CROCC2: variants seen among roughly 807,000 people sequenced by gnomAD.
The protein encoded by CROCC2 is ciliary rootlet coiled-coil protein 2.
In CROCC2, 163 loss-of-function variants were observed where a neutral mutation model predicts 177.6. The observed-to-expected ratio is 0.92, with a 90% CI of 0.81 to 1.05. The LOEUF (loss-of-function observed/expected upper bound fraction) is 1.05. Ranked by LOEUF, CROCC2 falls within the 50% of genes least tolerant of loss-of-function variation. The pLI is 0.00. For synonymous variants in CROCC2, 904 were observed against 787.3 expected, an observed-to-expected ratio of 1.15 and a Z score of -2.48; for missense variants, 1,929 against 1,797.8, an observed-to-expected ratio of 1.07 and a Z score of -1.32.
At position 240,926,942 on chromosome 2, in the gene CROCC2, AG is replaced by A. The variant is rs1337323943; in HGVS notation, c.645+1064del. ...GGTCCCTGTCCTTGGACCGCTGGAC[AG>A]GTCACCTGAGGATCCCGGGAGCCGA... On this transcript the variant is annotated intron_variant, in intron 5 of 31. Transcript: ENST00000690015. Among the ~76,000 whole-genome samples the A allele has an allele frequency of 2.0e-5, 3 of 152,350 alleles. No individual in the cohort carries two copies. The East Asian group carries it at 5.8e-4, about 29-fold the overall frequency.
At position 240,958,578 on chromosome 2, in the gene CROCC2, C is replaced by T. The variant is rs1387283497; in HGVS notation, c.2944-723C>T. On this transcript the variant is annotated intron_variant, in intron 19 of 31. Coordinates refer to ENST00000690015, the MANE Select transcript of CROCC2 (RefSeq NM_001351305.2). The surrounding 1 kb of genome is among the most constrained non-coding windows in gnomAD (Gnocchi z 6.7). The stretch of plus-strand genomic sequence containing the variant: ...GGAGGGAGCCATCCCCCACCAGCCG[C>T]CCCCCGCCAGCCGCCTGCTGCTGCC... 1.0e-6 allele frequency: 1 copy of T among 985,046 alleles called. No homozygotes were observed. Among genetic ancestry groups the T allele is most frequent in the Non-Finnish European group, 1.2e-6 (1 of 829,644 alleles). The allele number at this position is 985,046 out of a possible 1,614,324, so 61.0% of individuals were successfully genotyped here. A position where few individuals can be genotyped will look rare whatever the true frequency, so the allele number is the denominator to read the frequency against.
chr2:240,981,201 A>G (rs1346280973), intron 27 of CROCC2, among the ~76,000 whole-genome samples: 45 of 149,766 alleles, frequency 3.0e-4, no homozygotes, highest in African/African-American at 1.1e-3. Flanking sequence ...TCTCTGGGGT[A>G]GGAGCCTCAG....
At position 240,907,785 on chromosome 2, in the gene CROCC2, C is replaced by T. The variant is rs1166139380; in HGVS notation, c.78+1194C>T. ...CTCCACCTGGCGTGAGCTCTACCTC[C>T]TCCACCTGGGGTGAGCTCTACCTCC... On this transcript the variant is annotated intron_variant, in intron 1 of 31. Coordinates refer to ENST00000690015, the MANE Select transcript of CROCC2 (RefSeq NM_001351305.2). Among the ~76,000 whole-genome samples the T allele has an allele frequency of 1.5e-3, 210 of 142,494 alleles. 1 individual carries two copies. Among genetic ancestry groups the T allele is most frequent in the African/African-American group, 5.2e-3 (202 of 38,524 alleles). 93.5% of individuals were successfully genotyped at this position (142,494 alleles called of 152,430 possible). A position where few individuals can be genotyped will look rare whatever the true frequency, so the allele number is the denominator to read the frequency against.
At position 240,961,863 on chromosome 2, in the gene CROCC2, CTCATCACA is replaced by C. The variant is rs1298725011; in HGVS notation, c.3088-1692_3088-1685del. ...TACACTCATGACACACACGCACACA[CTCATCACA>C]CATGCTCATCACACACATGTACACA... is the stretch of plus-strand genomic sequence containing the variant. On this transcript the variant is annotated intron_variant, in intron 20 of 31. Transcript: ENST00000690015. Among the ~76,000 whole-genome samples the C allele has an allele frequency of 1.5e-4, 4 of 27,156 alleles. 1 individual carries two copies. In the East Asian group the frequency reaches 3.0e-3, roughly 21 times the overall value. 17.8% of individuals were successfully genotyped at this position (27,156 alleles called of 152,430 possible).
rs931312854 is a variant in CROCC2 at position 240,920,044 on chromosome 2, G to C, written c.291G>C (p.Gln97His). 2 of 716,346 alleles carry C rather than the reference G, an allele frequency of 2.8e-6. No individual in the cohort carries two copies. The highest frequency in any genetic ancestry group is 3.5e-5 in the African/African-American group (2 of 57,264). The allele number at this position is 716,346 out of a possible 1,614,324, so 44.4% of individuals were successfully genotyped here. ...TGCAAGAGGAGAACGAGCTCCTGCA[G>C]GAGGAGCTGACCCGGCTGGGGGACC... ...ARVQEENELL[Q>H]EELTRLGDLL... The change falls in exon 3 of 32, where the codon CAG (glutamine) becomes CAC (histidine). Residue 97 changes from glutamine (Q) to histidine (H), a missense_variant. Gln to His is a conservative substitution (Grantham distance 24). Coordinates refer to ENST00000690015, the MANE Select transcript of CROCC2 (RefSeq NM_001351305.2).
At chr2:240,928,727 G>A (rs941010020) in intron 5 of CROCC2, among the ~76,000 whole-genome samples, 3 of 138,948 alleles carry the variant, frequency 2.2e-5, no homozygotes, top group African/African-American at 7.4e-5. Context: ...GCATGCCCTC[G>A]GAGGGCGTGC....
chr2:240,974,335 A>AT (rs1270884867), intron 27 of CROCC2, among the ~76,000 whole-genome samples: 2 of 132,140 alleles, frequency 1.5e-5, no homozygotes, highest in Non-Finnish European at 3.2e-5. Flanking sequence ...CTCTATTTTT[A>AT]TTTTTAGTTT....
At position 240,935,531 on chromosome 2, in the gene CROCC2, G is replaced by T; in HGVS notation, c.2112G>T (p.Glu704Asp). 1 of 1,348,640 alleles carries T rather than the reference G, an allele frequency of 7.4e-7. No homozygotes were observed. The allele number at this position is 1,348,640 out of a possible 1,614,324, so 83.5% of individuals were successfully genotyped here. Residue 704 changes from glutamate to aspartate, a missense_variant, in exon 14 of 32, where the codon GAG (glutamate) becomes GAT (aspartate). Glu to Asp is a conservative substitution (Grantham distance 45). Around this residue, in one of 3 missense-constraint regions of CROCC2, gnomAD observed 1,397 missense variants for 1,239.9 expected, o/e 1.13. Coordinates refer to ENST00000690015, the MANE Select transcript of CROCC2 (RefSeq NM_001351305.2). The part of the protein sequence containing the change: ...GRLEQRQEQL[E>D]GQAALLGREK... ...TGGAGCAGCGGCAGGAGCAGCTGGA[G>T]GGGCAGGCAGCCCTGCTGGGGCGAG...
chr2:240,946,115 A>G lies in CROCC2; in HGVS notation c.2225A>G (p.Gln742Arg), dbSNP rs1210975050. The G allele has an allele frequency of 2.6e-6, 4 of 1,541,426 alleles. No homozygotes were observed. The highest frequency in any genetic ancestry group is 2.7e-5 in the African/African-American group (2 of 72,948). ...EEQLAQSLQD[Q>R]EAQMGTLQQA... The stretch of plus-strand genomic sequence containing the variant: ...CAGCTGGCTCAGAGCCTGCAGGACC[A>G]GGAGGCCCAGATGGGCACTCTGCAG... The change falls in exon 15 of 32, where the codon CAG becomes CGG. Residue 742 changes from glutamine to arginine, a missense_variant. By Grantham distance (43) the Gln-to-Arg change is conservative. Transcript: ENST00000690015.
In CROCC2 at chr2:240,991,551, G is replaced by A. The variant is rs143075535; in HGVS notation, c.4946+273G>A. Reference sequence around the variant, plus strand: ...GTGGCACACTCTGAGCCCGCTGACCGCAGAGCTCCTCCCACCCCTGGAGAC... The same window carrying A: ...GTGGCACACTCTGAGCCCGCTGACCACAGAGCTCCTCCCACCCCTGGAGAC... On this transcript the variant is annotated intron_variant, in intron 31 of 31. Coordinates refer to ENST00000690015, the MANE Select transcript of CROCC2 (RefSeq NM_001351305.2). Among the ~76,000 whole-genome samples, 616 of 152,348 alleles carry A rather than the reference G, an allele frequency of 4.0e-3. 3 individuals are homozygous for A. Among genetic ancestry groups the A allele is most frequent in the African/African-American group, 0.014 (583 of 41,588 alleles).
chr2:240,974,534 C>CTTTTTTTTTTTTTT (rs61276773), intron 27 of CROCC2, among the ~76,000 whole-genome samples: 6 of 134,912 alleles, frequency 4.4e-5, no homozygotes, highest in Non-Finnish European at 7.8e-5. Context: ...TCTTTTTTTT[C>CTTTTTTTTTTTTTT]TTTTTTTTTT....
At chr2:240,921,604 CAA>C (rs373202706) in intron 3 of CROCC2, among the ~76,000 whole-genome samples, 27 of 152,350 alleles carry the variant, frequency 1.8e-4, no homozygotes, top group African/African-American at 6.5e-4. Flanking sequence ...GCTCAGCAGG[CAA>C]AGTGTGGGTG....
chr2:240,979,937 G>T (rs1485998851), intron 27 of CROCC2, among the ~76,000 whole-genome samples: 4 of 27,622 alleles, frequency 1.4e-4, no homozygotes, highest in Admixed American at 3.8e-4. Flanking sequence ...TCCGTCTCTG[G>T]GGTAGGAGCC....
chr2:240,952,315 C>A (rs372597245), intron 18 of CROCC2, among the ~76,000 whole-genome samples: 338 of 113,310 alleles, frequency 3.0e-3, no homozygotes, highest in South Asian at 4.7e-3. Flanking sequence ...TACTCCTTCT[C>A]AAAAAAAAAA....
intron 5 of CROCC2, 82 bp from the exon 6 acceptor site, chr2:240,930,084 G>A (rs1416325897): frequency 3.9e-6 from 2 of 518,878 alleles, no homozygotes; most frequent in African/African-American, 1.9e-5. Flanking sequence ...CATGGAGAGG[G>A]ACATGCACTT....
At chr2:240,933,996 G>A (rs1163396592) in intron 11 of CROCC2, 144 bp downstream of exon 11, 11 of 929,046 alleles carry the variant, frequency 1.2e-5, no homozygotes, top group East Asian at 1.1e-4. Context: ...GGGCAGGGGC[G>A]GGGGCTCTCC....
In CROCC2 at chr2:240,972,846, G is replaced by T. The variant is rs928174388; in HGVS notation, c.4401+4584G>T. Among the ~76,000 whole-genome samples, 18 of 152,032 alleles carry T rather than the reference G, an allele frequency of 1.2e-4. No individual in the cohort carries two copies. Among genetic ancestry groups the T allele is most frequent in the African/African-American group, 4.3e-4 (18 of 41,384 alleles). On this transcript the variant is annotated intron_variant, in intron 27 of 31. Coordinates refer to ENST00000690015, the MANE Select transcript of CROCC2 (RefSeq NM_001351305.2). This position sits in a 1 kb window ranked among gnomAD's most constrained non-coding sequence, Gnocchi z 7.1. Reference sequence around the variant, plus strand: ...AACTTTTTGTAATCTATGAGTCATTGTGATAGGTTTCTGGATTCAGACACA... The same window carrying T: ...AACTTTTTGTAATCTATGAGTCATTTTGATAGGTTTCTGGATTCAGACACA...
rs2059698279 is a variant in CROCC2, at chr2:240,968,277, AG to A, written c.4401+18del. The A allele has an allele frequency of 1.3e-6, 2 of 1,521,736 alleles. No individual in the cohort carries two copies. The highest frequency in any genetic ancestry group is 1.8e-6 in the Non-Finnish European group (2 of 1,140,192). 94.3% of individuals were successfully genotyped at this position (1,521,736 alleles called of 1,614,324 possible). On this transcript the variant is annotated intron_variant, in intron 27 of 31. Transcript: ENST00000690015. ...GGCGGCTGCAGGTGGGGCAGGCGGC[AG>A]GGTGGGTCCCAGGTGGGGCACAAGA...
chr2:240,991,063 A>G (rs1000786330), intron 30 of CROCC2, 133 bp from the exon 31 acceptor site: 5 of 585,292 alleles, frequency 8.5e-6, no homozygotes, highest in South Asian at 3.0e-5. Context: ...TGTCCCATGC[A>G]TGCCACCTCT....
Sources: allele counts gnomAD v4.1 joint callset (sites outside exome capture counted in the v4.1 genomes callset), GRCh38; gene constraint gnomAD v4.1.1; regional missense constraint gnomAD v4.1.1; non-coding constraint Gnocchi (gnomAD v3.1); transcripts MANE v1.5; gene names NCBI Gene and HGNC (gene_info 2026-07-23, HGNC 2026-07-21).